The following CD163L1 variants were observed in gnomAD, a reference collection of about 807,000 sequenced individuals.
CD163L1 encodes the protein scavenger receptor cysteine-rich type 1 protein M160.
Under a neutral mutation model 165.4 loss-of-function variants are expected in CD163L1, and 124 were observed. The ratio of observed to expected loss-of-function variants is 0.75; its 90% CI spans 0.65 to 0.87. CD163L1 has a LOEUF of 0.87. CD163L1 is among the 40% of genes least tolerant of loss of function. The pLI is 0.00. For synonymous variants in CD163L1, 585 were observed against 662.2 expected (o/e 0.88, Z 1.79); for missense variants, 1,525 against 1,799.9 (o/e 0.85, Z 2.76).
At chr12:7,335,140 A>G in the CD163L1 span, among the ~76,000 whole-genome samples, 1 of 152,160 alleles carries the variant, frequency 6.6e-6, no homozygotes, top group South Asian at 2.1e-4. Context: ...GGAAAAAACT[A>G]CTTTAAAGTT....
Position 7,400,258 on chromosome 12 carries a change from C to T in CD163L1, c.1409-1674G>A, listed in dbSNP as rs1947891672. Among the ~76,000 whole-genome samples the T allele has an allele frequency of 6.6e-6, 1 of 152,038 alleles. No individual in the cohort carries two copies. The highest frequency in any genetic ancestry group is 2.1e-4 in the South Asian group (1 of 4,828). On this transcript the variant is annotated intron_variant, in intron 6 of 19. Transcript: ENST00000313599. The surrounding 1 kb of genome is among the most constrained non-coding windows in gnomAD (Gnocchi z 4.1). ...TTGAGTATGTCACCAAGTGCTTCCA[C>T]AATATAATGGAAACCAATGTATTCA...
chr12:7,347,816 T>C lies in CD163L1; in HGVS notation c.*25-669A>G, dbSNP rs559612069. On this transcript the variant is annotated intron_variant, in intron 4 of 4. Coordinates refer to the CD163L1 transcript ENST00000539726. The surrounding 1 kb of genome is among the most constrained non-coding windows in gnomAD (Gnocchi z 4.2). Reference sequence around the variant, plus strand: ...ATGGTCTCTTATGCTAAGGATGCCATGGAATAAAACAACCAGAAACTTCTC... The same window carrying C: ...ATGGTCTCTTATGCTAAGGATGCCACGGAATAAAACAACCAGAAACTTCTC... 2.0e-5 allele frequency among the ~76,000 whole-genome samples: 3 copies of C among 151,900 alleles called. No individual in the cohort carries two copies. Among genetic ancestry groups the C allele is most frequent in the Non-Finnish European group, 4.4e-5 (3 of 67,970 alleles).
At chr12:7,386,604 CA>C (rs71067187) in intron 8 of CD163L1, among the ~76,000 whole-genome samples, 81,884 of 117,166 alleles carry the variant, frequency 0.7, 28,296 homozygotes, top group Non-Finnish European at 0.78. Flanking sequence ...GTCAACATAT[CA>C]AAAAAAAAAA....
Position 7,433,645 on chromosome 12 carries a change from A to C in CD163L1, c.174T>G (p.Ser58=). Residue 58 remains serine, a synonymous_variant, in exon 3 of 20, where the codon TCT becomes TCG. Transcript: ENST00000313599. ...LRLVNGDGPC[S]GTVEVKFQGQ... ...CCTGGAATTTCACCTCCACTGTCCC[A>C]GAGCAGGGACCGTCTCCATTGACCA... 6.2e-7 allele frequency: 1 copy of C among 1,614,108 alleles called. No homozygotes were observed. Among genetic ancestry groups the C allele is most frequent in the Non-Finnish European group, 8.5e-7 (1 of 1,179,972 alleles).
At chr12:7,433,717 C>T (rs370744446) in intron 2 of CD163L1, 23 bp from the exon 3 acceptor site, 4 of 1,551,340 alleles carry the variant, frequency 2.6e-6, no homozygotes, top group Non-Finnish European at 3.5e-6. Flanking sequence ...CAGAAACATA[C>T]ATTAGAGATG....
At chr12:7,326,421 G>C in the CD163L1 span, among the ~76,000 whole-genome samples, 1 of 152,124 alleles carries the variant, frequency 6.6e-6, no homozygotes, top group Non-Finnish European at 1.5e-5. Flanking sequence ...TGTTGACCAG[G>C]CTGGTTTCAA....
the CD163L1 span, chr12:7,323,123 C>A: frequency 2.1e-6 from 2 of 940,448 alleles, no homozygotes; most frequent in Non-Finnish European, 3.2e-6. Flanking sequence ...TCAGAAGGTG[C>A]GCCTGCATAC....
At chr12:7,322,529 A>G in the CD163L1 span, 6 of 1,613,718 alleles carry the variant, frequency 3.7e-6, no homozygotes, top group Non-Finnish European at 5.1e-6. Flanking sequence ...AGGGCTATGG[A>G]CAGACGGAAG....
At chr12:7,352,941 A>G (rs1765311800), downstream of CD163L1, among the ~76,000 whole-genome samples, 1 of 152,094 alleles carries the variant, frequency 6.6e-6, no homozygotes, top group Admixed American at 6.6e-5. Flanking sequence ...TGATCTATAC[A>G]TACCAAAAAA....
At chr12:7,394,232 G>A (rs182495907) in intron 8 of CD163L1, among the ~76,000 whole-genome samples, 31 of 152,146 alleles carry the variant, frequency 2.0e-4, no homozygotes, top group African/African-American at 6.3e-4. Context: ...GCATGGTACC[G>A]GTACCAAAAC....
At chr12:7,396,763 C>T (rs1947785490) in intron 7 of CD163L1, among the ~76,000 whole-genome samples, 2 of 152,032 alleles carry the variant, frequency 1.3e-5, no homozygotes, top group African/African-American at 4.8e-5. Context: ...TTTGGACTTG[C>T]AAGCCCCGAT....
rs1565810664 is a variant in CD163L1 at position 7,421,588 on chromosome 12, CATATACATAT to C, written c.766+10818_766+10827del. On this transcript the variant is annotated intron_variant, in intron 4 of 19. Transcript: ENST00000313599. ...GTACATATATACATGTACATATATA[CATATACATAT>C]ATGTACACATATACATATATGTACA... Among the ~76,000 whole-genome samples the C allele has an allele frequency of 1.4e-4, 13 of 91,630 alleles. 1 individual carries two copies. The highest frequency in any genetic ancestry group is 1.1e-3 in the South Asian group (3 of 2,758). 60.1% of individuals were successfully genotyped at this position (91,630 alleles called of 152,430 possible).
chr12:7,324,391 T>C, the CD163L1 span: 3 of 1,614,022 alleles, frequency 1.9e-6, no homozygotes, highest in Non-Finnish European at 2.5e-6. Flanking sequence ...GATGTCATTA[T>C]ATCCTCTGGG....
intron 6 of CD163L1, among the ~76,000 whole-genome samples, chr12:7,403,080 T>A (rs759129113): frequency 8.5e-5 from 13 of 152,294 alleles, no homozygotes; most frequent in African/African-American, 3.1e-4. Flanking sequence ...GAATTATACA[T>A]CGTATCAACA....
chr12:7,369,212 T>C lies in CD163L1; in HGVS notation c.4039+145A>G. 1.0e-6 allele frequency: 1 copy of C among 977,808 alleles called. No homozygotes were observed. Among genetic ancestry groups the C allele is most frequent in the East Asian group, 2.4e-5 (1 of 41,648 alleles). 60.6% of individuals were successfully genotyped at this position (977,808 alleles called of 1,614,324 possible). A position where few individuals can be genotyped will look rare whatever the true frequency, so the allele number is the denominator to read the frequency against. ...AGTGGAACATTATCTTATTTAGTTG[T>C]GGAAAAACGTTAGTTTAACATAGCC... is the stretch of plus-strand genomic sequence containing the variant. On this transcript the variant is annotated intron_variant, in intron 15 of 19. Transcript: ENST00000313599. The surrounding 1 kb of genome is among the most constrained non-coding windows in gnomAD (Gnocchi z 4.9).
Position 7,379,041 on chromosome 12 carries a change from T to C in CD163L1, c.2308A>G (p.Ile770Val). 6.2e-7 allele frequency: 1 copy of C among 1,614,192 alleles called. No homozygotes were observed. The highest frequency in any genetic ancestry group is 8.5e-7 in the Non-Finnish European group (1 of 1,180,010). ...TGGEASLWDC[I>V]RWEWKQTACH... is the part of the protein sequence containing the mutation. Reference sequence around the variant, plus strand: ...GCAGTCTGTTTCCACTCCCATCGTATACAATCCCAGAGAGAGGCTTCCCCT... The same window carrying C: ...GCAGTCTGTTTCCACTCCCATCGTACACAATCCCAGAGAGAGGCTTCCCCT... The change falls in exon 9 of 20, where the codon ATA (isoleucine) becomes GTA (valine). Residue 770 changes from isoleucine to valine, a missense_variant. Transcript: ENST00000313599.
At position 7,373,465 on chromosome 12, in the gene CD163L1, G is replaced by T; in HGVS notation, c.3585C>A (p.Ala1195=). The T allele has an allele frequency of 6.2e-7, 1 of 1,614,144 alleles. No individual in the cohort carries two copies. The highest frequency in any genetic ancestry group is 2.2e-5 in the East Asian group (1 of 44,874). The change falls in exon 14 of 20, where the codon GCC becomes GCA. Residue 1195 remains alanine, a synonymous_variant. Transcript: ENST00000313599. ...GCGENGVVSL[A]PLSKTGSGFM... The stretch of plus-strand genomic sequence containing the variant: ...AACCAGAGCCTGTCTTAGATAAAGG[G>T]GCGAGGCTGACAACTCCATTCTCCC...
intron 8 of CD163L1, among the ~76,000 whole-genome samples, chr12:7,380,619 G>A (rs1438093719): frequency 6.6e-6 from 1 of 152,026 alleles, no homozygotes; most frequent in Non-Finnish European, 1.5e-5. Context: ...TGGACTTTGA[G>A]GACTCAGGGG....
Position 7,398,305 on chromosome 12 carries a change from T to G in CD163L1, c.1688A>C (p.His563Pro). ...CACATCCTCTCTGTGTACACAATTA[T>G]GCTTTCCCCATCCACTGTGTTCACA... ...WDCEHSGWGKHNCVHREDVIV... is the reference protein window; with the variant it reads ...WDCEHSGWGKPNCVHREDVIV... The change falls in exon 7 of 20, where the codon CAT (histidine) becomes CCT (proline). Residue 563 changes from histidine to proline, a missense_variant. Coordinates refer to ENST00000313599, the MANE Select transcript of CD163L1 (RefSeq NM_174941.6). This position sits in a 1 kb window ranked among gnomAD's most constrained non-coding sequence, Gnocchi z 4.5. The G allele has an allele frequency of 6.2e-7, 1 of 1,614,150 alleles. No homozygotes were observed. The highest frequency in any genetic ancestry group is 8.5e-7 in the Non-Finnish European group (1 of 1,179,988).
Sources: gnomAD v4.1 joint callset for allele counts (sites outside exome capture counted in the v4.1 genomes callset) on GRCh38, gnomAD v4.1.1 for gene constraint, Gnocchi (gnomAD v3.1) non-coding constraint, MANE v1.5 for transcripts, NCBI Gene and HGNC (gene_info 2026-07-23, HGNC 2026-07-21) for gene names.